MLLT10: variants seen among roughly 807,000 people sequenced by gnomAD.
MLLT10 encodes MLLT10 histone lysine methyltransferase DOT1L cofactor, also known as protein AF-10.
A neutral mutation model predicts 129.1 loss-of-function variants in MLLT10; 30 were observed. That is an observed-to-expected ratio of 0.23 (90% confidence interval 0.17 to 0.32). The LOEUF (loss-of-function observed/expected upper bound fraction) is 0.32, where lower values mean the gene tolerates loss of function less well. Ranked by LOEUF, MLLT10 falls within the 10% of genes least tolerant of loss-of-function variation. The pLI is 1.00. For synonymous variants in MLLT10, 490 were observed against 446.4 expected, an observed-to-expected ratio of 1.10 and a Z score of -1.23; for missense variants, 1,119 against 1,268.3, an observed-to-expected ratio of 0.88 and a Z score of 1.79.
rs115622552 is a variant in MLLT10, at chr10:21,572,583, C to A, written c.241-13711C>A. On this transcript the variant is annotated intron_variant, in intron 3 of 22. Coordinates refer to ENST00000307729, the MANE Select transcript of MLLT10 (RefSeq NM_001195626.3). Reference sequence around the variant, plus strand: ...TGAGCAGTCGTTTGTTGCTTTTAGCCTTTGGTCTTGCATGTCTTCTGTTTT... The same window carrying A: ...TGAGCAGTCGTTTGTTGCTTTTAGCATTTGGTCTTGCATGTCTTCTGTTTT... Among the ~76,000 whole-genome samples, 859 of 151,604 alleles carry A rather than the reference C, an allele frequency of 5.7e-3. 6 individuals carry two copies. Among genetic ancestry groups the A allele is most frequent in the African/African-American group, 0.019 (803 of 41,404 alleles).
chr10:21,533,956 C>T (rs968600384), upstream of MLLT10, among the ~76,000 whole-genome samples: 1 of 152,112 alleles, frequency 6.6e-6, no homozygotes, highest in Non-Finnish European at 1.5e-5. Flanking sequence ...AGGCCTCTTC[C>T]CGACGCTCAC....
chr10:21,540,624 A>T (rs1213030540), intron 3 of MLLT10, among the ~76,000 whole-genome samples: 2 of 152,228 alleles, frequency 1.3e-5, no homozygotes, highest in Admixed American at 6.5e-5. Context: ...AAATATCAGA[A>T]ATAGATTTTA....
At chr10:21,642,588 C>T (rs1464142113) in intron 8 of MLLT10, among the ~76,000 whole-genome samples, 5 of 148,210 alleles carry the variant, frequency 3.4e-5, no homozygotes, top group African/African-American at 5.0e-5. Flanking sequence ...GCCGGGGAGA[C>T]GGAGGTTGCA....
intron 8 of MLLT10, chr10:21,626,255 C>G (rs893743139): frequency 6.4e-7 from 1 of 1,553,854 alleles, no homozygotes; most frequent in African/African-American, 1.4e-5. Flanking sequence ...ATCAATTGCT[C>G]TTTCATCAAG....
intron 13 of MLLT10, among the ~76,000 whole-genome samples, chr10:21,694,318 T>G (rs1336606008): frequency 6.6e-6 from 1 of 152,210 alleles, no homozygotes; most frequent in South Asian, 2.1e-4. Context: ...CGTAGTTGTT[T>G]TGGATTTTAT....
chr10:21,566,792 G>A (rs1190034633), intron 3 of MLLT10, among the ~76,000 whole-genome samples: 1 of 151,318 alleles, frequency 6.6e-6, no homozygotes, highest in African/African-American at 2.4e-5. Flanking sequence ...GATATGGTTT[G>A]GATATTTGTT....
At chr10:21,626,136 T>C in intron 8 of MLLT10, 1 of 1,610,270 alleles carries the variant, frequency 6.2e-7, no homozygotes, top group Non-Finnish European at 8.5e-7. Flanking sequence ...CTGTAGGTCT[T>C]CATAACTCCA....
At chr10:21,560,081 C>T (rs1370277560) in intron 3 of MLLT10, among the ~76,000 whole-genome samples, 3 of 152,138 alleles carry the variant, frequency 2.0e-5, no homozygotes, top group African/African-American at 7.2e-5. Context: ...TCTTGGCTCA[C>T]TGCATCCTCC....
At chr10:21,684,650 T>C (rs1478078482) in intron 13 of MLLT10, among the ~76,000 whole-genome samples, 1 of 152,232 alleles carries the variant, frequency 6.6e-6, no homozygotes, top group African/African-American at 2.4e-5. Flanking sequence ...CTTTTCTAGA[T>C]GCTACTAGAA....
chr10:21,684,319 ATCACCTG>A (rs2053059327), intron 13 of MLLT10, among the ~76,000 whole-genome samples: 1 of 152,156 alleles, frequency 6.6e-6, no homozygotes, highest in Non-Finnish European at 1.5e-5. Context: ...AGTATCACCT[ATCACCTG>A]TGCTTCTTAG....
intron 4 of MLLT10, among the ~76,000 whole-genome samples, chr10:21,593,365 G>A (rs1044733857): frequency 2.0e-4 from 30 of 151,890 alleles, no homozygotes; most frequent in African/African-American, 7.0e-4. Flanking sequence ...CTGGGCTTAC[G>A]GGTGTGAGCC....
chr10:21,669,741 A>G (rs986629152), intron 9 of MLLT10, among the ~76,000 whole-genome samples: 3 of 152,190 alleles, frequency 2.0e-5, no homozygotes, highest in East Asian at 3.8e-4. Flanking sequence ...TATACCTTGT[A>G]TTAAAAATGA....
At chr10:21,582,192 T>C (rs1223845402) in intron 3 of MLLT10, among the ~76,000 whole-genome samples, 1 of 152,072 alleles carries the variant, frequency 6.6e-6, no homozygotes, top group Non-Finnish European at 1.5e-5. Context: ...GGAACGATCT[T>C]GGCTCACTGC....
At chr10:21,673,002 C>T (rs1186342844) in intron 10 of MLLT10, among the ~76,000 whole-genome samples, 1 of 152,096 alleles carries the variant, frequency 6.6e-6, no homozygotes. Context: ...GTAGTCCTTC[C>T]TCAGGCATAC....
chr10:21,595,482 T>C (rs112591223), intron 5 of MLLT10, 42 bp downstream of exon 5: 25 of 1,459,282 alleles, frequency 1.7e-5, no homozygotes, highest in Non-Finnish European at 2.2e-5. Context: ...ATATCACTAC[T>C]GGGAAGTAGA....
At chr10:21,594,175 G>A (rs568087975) in intron 4 of MLLT10, among the ~76,000 whole-genome samples, 59 of 152,046 alleles carry the variant, frequency 3.9e-4, no homozygotes, top group African/African-American at 1.4e-3. Context: ...CATCTGAAAC[G>A]AGAGGGGTTT....
intron 21 of MLLT10, among the ~76,000 whole-genome samples, chr10:21,737,267 G>C (rs926029244): frequency 2.6e-5 from 4 of 152,034 alleles, no homozygotes; most frequent in African/African-American, 9.7e-5. Flanking sequence ...TCATTAAATG[G>C]TTCAAAAGGA....
chr10:21,659,466 A>G (rs1667870990), intron 9 of MLLT10, among the ~76,000 whole-genome samples: 2 of 152,116 alleles, frequency 1.3e-5, no homozygotes, highest in African/African-American at 2.4e-5. Flanking sequence ...GAAAGCAGGA[A>G]AGTTTGTGCC....
chr10:21,643,323 G>A (rs1485664441), intron 8 of MLLT10, among the ~76,000 whole-genome samples: 2 of 152,152 alleles, frequency 1.3e-5, no homozygotes, highest in East Asian at 1.9e-4. Flanking sequence ...GTGAGCCACC[G>A]CGCCCTGACA....
Sources: allele counts gnomAD v4.1 joint callset (sites outside exome capture counted in the v4.1 genomes callset), GRCh38; gene constraint gnomAD v4.1.1; transcripts MANE v1.5; gene names NCBI Gene and HGNC (gene_info 2026-07-23, HGNC 2026-07-21).